CDAN1: variants seen among roughly 807,000 people sequenced by gnomAD.
CDAN1 encodes the protein codanin 1.
A neutral mutation model predicts 139.8 loss-of-function variants in CDAN1; 107 were observed. The ratio of observed to expected loss-of-function variants is 0.77; its 90% CI spans 0.65 to 0.90. The LOEUF is 0.90. CDAN1 is among the 40% of genes least tolerant of loss of function. CDAN1 has a pLI of 0.00. For missense variants in CDAN1, 1,667 were observed against 1,575.7 expected (o/e 1.06, Z -0.98); for synonymous variants, 776 against 660.6 (o/e 1.17, Z -2.68).
rs1034234495 is a variant in CDAN1, at chr15:42,736,696, C to A, written c.175G>T (p.Glu59Ter). 2 of 1,555,272 alleles carry A rather than the reference C, an allele frequency of 1.3e-6. No homozygotes were observed. Among genetic ancestry groups the A allele is most frequent in the African/African-American group, 2.8e-5 (2 of 70,906 alleles). The change falls in exon 2 of 28, where the codon GAG becomes TAG. Residue 59 changes from glutamate to a stop codon, truncating the protein, a stop_gained. Transcript: ENST00000356231. LOFTEE classifies it high-confidence loss of function. The stretch of plus-strand genomic sequence containing the variant: ...TGCGGGAGGACGCGGCTGCTCTGCT[C>A]CCTCAGGAAGTTCAACAGGAACGGT... ...FVPFLLNFLR[E>*]QSSRVLPQGP...
rs988354822 is a variant in CDAN1 at position 42,728,797 on chromosome 15, C to T, written c.2659G>A (p.Ala887Thr). ...GACTCTGCCTGGCGCACCAGATCTG[C>T]CACCAGTGTAGCCCTGCAGCAGGGA... Reference protein sequence around the residue: ...CVKHIKATLVADLVRQAESLL... With the variant: ...CVKHIKATLVTDLVRQAESLL... Residue 887 changes from alanine (A) to threonine (T), a missense_variant, in exon 20 of 28, where the codon GCA becomes ACA. Physicochemically the swap from Ala to Thr is moderately conservative, Grantham distance 58 (BLOSUM62 0). Around this residue, in one of 3 missense-constraint regions of CDAN1, gnomAD observed 936 missense variants for 844.1 expected, o/e 1.11. Transcript: ENST00000356231. The T allele has an allele frequency of 4.3e-6, 7 of 1,614,076 alleles. No individual in the cohort carries two copies. Among genetic ancestry groups the T allele is most frequent in the Middle Eastern group, 1.6e-4 (1 of 6,084 alleles).
At chr15:42,727,315 T>C (rs2061541629) in intron 23 of CDAN1, 1 of 320,148 alleles carries the variant, frequency 3.1e-6, no homozygotes, top group Admixed American at 4.5e-5. Flanking sequence ...AGAGACTCAT[T>C]TGCTATCAAG....
At position 42,736,472 on chromosome 15, in the gene CDAN1, G is replaced by A. The variant is rs1365155583; in HGVS notation, c.399C>T (p.Gly133=). Residue 133 remains glycine, a synonymous_variant, in exon 2 of 28, where the codon GGC becomes GGT. Transcript: ENST00000356231. ...RGPGPARERG[G]RGLEEGVSGE... The stretch of plus-strand genomic sequence containing the variant: ...CGCTGACCCCCTCCTCCAGGCCGCG[G>A]CCTCCACGCTCGCGGGCCGGCCCCG... 1.3e-6 allele frequency: 2 copies of A among 1,503,062 alleles called. No homozygotes were observed. Among genetic ancestry groups the A allele is most frequent in the Non-Finnish European group, 1.8e-6 (2 of 1,129,920 alleles). 93.1% of individuals were successfully genotyped at this position (1,503,062 alleles called of 1,614,324 possible).
rs2061613850 is a variant in CDAN1 at position 42,731,700 on chromosome 15, C to T, written c.1659G>A (p.Gln553=). 1 of 1,614,132 alleles carries T rather than the reference C, an allele frequency of 6.2e-7. No homozygotes were observed. The highest frequency in any genetic ancestry group is 8.5e-7 in the Non-Finnish European group (1 of 1,180,030). ...WRLQERLMAP[Q]SSGGPCPPPT... ...GGGGTGGGCAGGGCCCCCCACTGCT[C>T]TGAGGAGCCATAAGCCGTTCCTGTA... The change falls in exon 11 of 28, where the codon CAG becomes CAA. Residue 553 remains glutamine (Q), a synonymous_variant. Transcript: ENST00000356231.
Position 42,730,209 on chromosome 15 carries a change from C to T in CDAN1, c.2181G>A (p.Leu727=). The part of the protein sequence containing the change: ...FTLLLRLHRS[L]VLSQESEGKM... ...TCCCCTCACTCTCCTGCGACAACAC[C>T]AAGCTCCTGAAACATCAATGGGCAG... Residue 727 remains leucine (L), a synonymous_variant, in exon 15 of 28, where the codon TTG becomes TTA. Coordinates refer to ENST00000356231, the MANE Select transcript of CDAN1 (RefSeq NM_138477.4). 1 of 1,613,994 alleles carries T rather than the reference C, an allele frequency of 6.2e-7. No individual in the cohort carries two copies. Among genetic ancestry groups the T allele is most frequent in the East Asian group, 2.2e-5 (1 of 44,888 alleles).
chr15:42,727,017 T>C (rs1165750354), intron 23 of CDAN1: 2 of 156,158 alleles, frequency 1.3e-5, no homozygotes, highest in Non-Finnish European at 2.8e-5. Context: ...AAAGTCTGTG[T>C]CCCAACTATG....
In CDAN1 at chr15:42,731,366, G is replaced by C. The variant is rs760353879; in HGVS notation, c.1740-35C>G. On this transcript the variant is annotated intron_variant, in intron 11 of 27. Coordinates refer to ENST00000356231, the MANE Select transcript of CDAN1 (RefSeq NM_138477.4). ...AGGGGTGGGTGGGGCATAAGCACTG[G>C]AAGAGGTACAGGAAAAGCCAGAATC... 8 of 1,612,048 alleles carry C rather than the reference G, an allele frequency of 5.0e-6. No homozygotes were observed. The South Asian group carries it at 7.7e-5, about 15-fold the overall frequency.
intron 8 of CDAN1, among the ~76,000 whole-genome samples, chr15:42,733,714 G>A (rs1337397938): frequency 1.3e-5 from 2 of 152,220 alleles, no homozygotes; most frequent in East Asian, 3.8e-4. Flanking sequence ...AGAACCCTGA[G>A]ACTAAAACCA....
In CDAN1 at chr15:42,728,637, A is replaced by G. The variant is rs762269501; in HGVS notation, c.2804+15T>C. 3.5e-5 allele frequency: 56 copies of G among 1,613,558 alleles called. No homozygotes were observed. Among genetic ancestry groups the G allele is most frequent in the Non-Finnish European group, 4.7e-5 (55 of 1,180,006 alleles). ...GCCAAGAGGAGAGTGGATCAAATGGACCAGCGCTGCTTACTCCCGCCCCAG... is the reference window on the plus strand; with the variant it reads ...GCCAAGAGGAGAGTGGATCAAATGGGCCAGCGCTGCTTACTCCCGCCCCAG... On this transcript the variant is annotated intron_variant, in intron 20 of 27. Coordinates refer to ENST00000356231, the MANE Select transcript of CDAN1 (RefSeq NM_138477.4).
chr15:42,733,732 G>GT (rs1399604522), intron 8 of CDAN1, among the ~76,000 whole-genome samples: 1 of 152,198 alleles, frequency 6.6e-6, no homozygotes, highest in African/African-American at 2.4e-5. Flanking sequence ...CCATACACCT[G>GT]TGAGATGGCT....
rs199779909 is a variant in CDAN1 at position 42,727,963 on chromosome 15, T to C, written c.2939A>G (p.Asn980Ser). The change falls in exon 22 of 28, where the codon AAC (asparagine) becomes AGC (serine). Residue 980 changes from asparagine (N) to serine (S), a missense_variant. Coordinates refer to ENST00000356231, the MANE Select transcript of CDAN1 (RefSeq NM_138477.4). ...CCCATCCAGGACCTTACCTGTGATG[T>C]TGGCTGACAGCCAAGCACAGGCTTT... is the stretch of plus-strand genomic sequence containing the variant. ...TEKACAWLSA[N>S]ITALIRREVK... is the part of the protein sequence containing the mutation. The C allele has an allele frequency of 5.0e-6, 8 of 1,613,966 alleles. No homozygotes were observed. The highest frequency in any genetic ancestry group is 6.8e-6 in the Non-Finnish European group (8 of 1,179,938).
At chr15:42,728,985 G>A (rs1287867927) in intron 19 of CDAN1, 38 bp downstream of exon 19, 3 of 1,601,922 alleles carry the variant, frequency 1.9e-6, no homozygotes, top group South Asian at 1.1e-5. Context: ...GGAAAAAATG[G>A]TAGGGCGATG....
chr15:42,730,340 A>T, intron 14 of CDAN1, 125 bp from the exon 15 acceptor site: 1 of 996,784 alleles, frequency 1.0e-6, no homozygotes, highest in Non-Finnish European at 1.6e-6. Flanking sequence ...GTTGGCAAGC[A>T]GGATCCCCCC....
In CDAN1 at chr15:42,736,625, C is replaced by T; in HGVS notation, c.246G>A (p.Leu82=). 1 of 1,511,054 alleles carries T rather than the reference C, an allele frequency of 6.6e-7. No individual in the cohort carries two copies. 93.6% of individuals were successfully genotyped at this position (1,511,054 alleles called of 1,614,324 possible). A position where few individuals can be genotyped will look rare whatever the true frequency, so the allele number is the denominator to read the frequency against. Reference sequence around the variant, plus strand: ...GCGGCGGGCCTCCCGGCCTCCCTGGCAAGGCTGCCGAGGCGCCCGGGGTCT... The same window carrying T: ...GCGGCGGGCCTCCCGGCCTCCCTGGTAAGGCTGCCGAGGCGCCCGGGGTCT... ...PAKTPGASAA[L]PGRPGGPPRG... The change falls in exon 2 of 28, where the codon TTG becomes TTA. Residue 82 remains leucine, a synonymous_variant. Coordinates refer to ENST00000356231, the MANE Select transcript of CDAN1 (RefSeq NM_138477.4).
chr15:42,731,322 A>G lies in CDAN1; in HGVS notation c.1749T>C (p.Phe583=), dbSNP rs2061608976. 6.2e-7 allele frequency: 1 copy of G among 1,613,900 alleles called. No homozygotes were observed. Among genetic ancestry groups the G allele is most frequent in the African/African-American group, 1.3e-5 (1 of 74,908 alleles). Residue 583 remains phenylalanine, a synonymous_variant, in exon 12 of 28, where the codon TTT becomes TTC. Coordinates refer to ENST00000356231, the MANE Select transcript of CDAN1 (RefSeq NM_138477.4). ...TCAGACTGTCCATGAGATGCTGGTTAAACTGGAAGCTGAGAAGAAGGGGTG... is the reference window on the plus strand; with the variant it reads ...TCAGACTGTCCATGAGATGCTGGTTGAACTGGAAGCTGAGAAGAAGGGGTG... The part of the protein sequence containing the change: ...DFILSASSFQ[F]NQHLMDSLSL...
In CDAN1 at chr15:42,735,582, C is replaced by A; in HGVS notation, c.871G>T (p.Ala291Ser). The A allele has an allele frequency of 6.2e-7, 1 of 1,614,218 alleles. No individual in the cohort carries two copies. Among genetic ancestry groups the A allele is most frequent in the Non-Finnish European group, 8.5e-7 (1 of 1,180,042 alleles). Reference sequence around the variant, plus strand: ...CGGGAAGACACTCTGGCAGGGTCTGCAGGTTCATCTGTGAGGCTTCCTGTC... The same window carrying A: ...CGGGAAGACACTCTGGCAGGGTCTGAAGGTTCATCTGTGAGGCTTCCTGTC... ...SRTGSLTDEP[A>S]DPARVSSRQR... The change falls in exon 4 of 28, where the codon GCA becomes TCA. Residue 291 changes from alanine (A) to serine (S), a missense_variant. Physicochemically the swap from Ala to Ser is moderately conservative, Grantham distance 99. Transcript: ENST00000356231.
Position 42,731,338 on chromosome 15 carries a change from A to G in CDAN1, c.1740-7T>C, listed in dbSNP as rs769513774. ...ATGCTGGTTAAACTGGAAGCTGAGAAGAAGGGGTGGGTGGGGCATAAGCAC... is the reference window on the plus strand; with the variant it reads ...ATGCTGGTTAAACTGGAAGCTGAGAGGAAGGGGTGGGTGGGGCATAAGCAC... On this transcript the variant is annotated splice_region_variant and splice_polypyrimidine_tract_variant and intron_variant, in intron 11 of 27. Coordinates refer to ENST00000356231, the MANE Select transcript of CDAN1 (RefSeq NM_138477.4). 3.1e-6 allele frequency: 5 copies of G among 1,613,532 alleles called. No individual in the cohort carries two copies. The East Asian group carries it at 8.9e-5, about 29-fold the overall frequency.
Position 42,729,072 on chromosome 15 carries a change from C to G in CDAN1, c.2596G>C (p.Val866Leu), listed in dbSNP as rs375271914. 1 of 1,614,216 alleles carries G rather than the reference C, an allele frequency of 6.2e-7. No homozygotes were observed. Among genetic ancestry groups the G allele is most frequent in the African/African-American group, 1.3e-5 (1 of 75,058 alleles). Reference protein sequence around the residue: ...HNQPPSLRRTVEFVAERIGSN... With the variant: ...HNQPPSLRRTLEFVAERIGSN... Reference sequence around the variant, plus strand: ...CCAATTCTTTCTGCCACGAACTCTACGGTCCGGCGCAAGGAGGGCGGCTGG... The same window carrying G: ...CCAATTCTTTCTGCCACGAACTCTAGGGTCCGGCGCAAGGAGGGCGGCTGG... The change falls in exon 19 of 28, where the codon GTA becomes CTA. Residue 866 changes from valine (V) to leucine (L), a missense_variant. By Grantham distance (32) the Val-to-Leu change is conservative. Transcript: ENST00000356231.
intron 27 of CDAN1, chr15:42,724,894 G>C: frequency 6.5e-6 from 4 of 612,436 alleles, no homozygotes; most frequent in East Asian, 5.6e-5. Flanking sequence ...TTAAAATCCA[G>C]GTTATTCTAA....
Sources: gnomAD v4.1 joint callset for allele counts (sites outside exome capture counted in the v4.1 genomes callset) on GRCh38, gnomAD v4.1.1 for gene constraint, gnomAD v4.1.1 regional missense constraint, MANE v1.5 for transcripts, NCBI Gene and HGNC (gene_info 2026-07-23, HGNC 2026-07-21) for gene names.